DNAJC6: variants seen among roughly 807,000 people sequenced by gnomAD.
The protein encoded by DNAJC6 is DnaJ heat shock protein family (Hsp40) member C6.
A neutral mutation model predicts 110.0 loss-of-function variants in DNAJC6; 34 were observed. The observed-to-expected ratio is 0.31, with a 90% confidence interval of 0.24 to 0.41. The LOEUF (loss-of-function observed/expected upper bound fraction) is 0.41. Ranked by LOEUF, DNAJC6 falls within the 10% of genes least tolerant of loss-of-function variation. The probability of loss-of-function intolerance (pLI) is 1.00; values close to 1 mark genes in which losing one functional copy is unlikely to be tolerated. For missense variants in DNAJC6, 1,031 were observed against 1,207.8 expected (o/e 0.85, Z 2.17); for synonymous variants, 406 against 437.2 (o/e 0.93, Z 0.89).
At chr1:65,283,555 T>C (rs2101196006) in intron 1 of DNAJC6, among the ~76,000 whole-genome samples, 1 of 152,304 alleles carries the variant, frequency 6.6e-6, no homozygotes, top group East Asian at 1.9e-4. Context: ...TATTTATCCA[T>C]TGAAAGACAT....
Position 65,337,298 on chromosome 1 carries a change from C to CT in DNAJC6, c.194-27326dup, listed in dbSNP as rs35222732. Among the ~76,000 whole-genome samples the CT allele has an allele frequency of 2.3e-3, 336 of 145,478 alleles. 4 individuals are homozygous for CT. Among genetic ancestry groups the CT allele is most frequent in the African/African-American group, 7.4e-3 (293 of 39,460 alleles). ...TTAGGGGCTGCAAATGTAATTCTTA[C>CT]TTTTTTTTTTTGTTTGCTGGACTAT... On this transcript the variant is annotated intron_variant, in intron 1 of 18. Coordinates refer to ENST00000371069, the MANE Select transcript of DNAJC6 (RefSeq NM_001256864.2).
chr1:65,351,663 T>C (rs1363004752), intron 1 of DNAJC6, among the ~76,000 whole-genome samples: 1 of 152,242 alleles, frequency 6.6e-6, no homozygotes, highest in African/African-American at 2.4e-5. Flanking sequence ...CCATCTTGTG[T>C]ATAGACAATG....
In DNAJC6 at chr1:65,414,327, C is replaced by T. The variant is rs1443752124; in HGVS notation, c.*1302C>T. The T allele has an allele frequency of 1.3e-5, 2 of 152,586 alleles. No homozygotes were observed. Among genetic ancestry groups the T allele is most frequent in the Non-Finnish European group, 1.5e-5 (1 of 68,044 alleles). The allele number at this position is 152,586 out of a possible 1,614,324, so 9.5% of individuals were successfully genotyped here. A position where few individuals can be genotyped will look rare whatever the true frequency, so the allele number is the denominator to read the frequency against. ...TTTAAGGGGTAAGCAGTTTGCTATTCTGTGACTTTAGTAGATCTCTTTTGT... is the reference window on the plus strand; with the variant it reads ...TTTAAGGGGTAAGCAGTTTGCTATTTTGTGACTTTAGTAGATCTCTTTTGT... On this transcript the variant is annotated 3_prime_UTR_variant, in exon 19 of 19. Coordinates refer to ENST00000371069, the MANE Select transcript of DNAJC6 (RefSeq NM_001256864.2).
chr1:65,409,538 G>A (rs1048573487), intron 17 of DNAJC6, among the ~76,000 whole-genome samples: 4 of 152,170 alleles, frequency 2.6e-5, no homozygotes, highest in Admixed American at 2.6e-4. Context: ...TAAGAAGAAT[G>A]CATTATTTAT....
chr1:65,333,732 A>G (rs1383440831), intron 1 of DNAJC6, among the ~76,000 whole-genome samples: 2 of 152,134 alleles, frequency 1.3e-5, no homozygotes, highest in Non-Finnish European at 2.9e-5. Flanking sequence ...ATTTTGTTTC[A>G]TCCTAACCCT....
intron 1 of DNAJC6, among the ~76,000 whole-genome samples, chr1:65,302,128 A>T (rs867481570): frequency 3.3e-4 from 5 of 15,164 alleles, no homozygotes; most frequent in African/African-American, 6.4e-3. Context: ...ATATATAAAA[A>T]ATATATATAA....
At chr1:65,274,396 A>G (rs1290128228) in intron 1 of DNAJC6, among the ~76,000 whole-genome samples, 1 of 152,068 alleles carries the variant, frequency 6.6e-6, no homozygotes, top group Non-Finnish European at 1.5e-5. Context: ...GGCTCACTGC[A>G]TCCTCCGCCT....
chr1:65,295,524 G>GA (rs1381681946), intron 1 of DNAJC6, among the ~76,000 whole-genome samples: 1 of 152,036 alleles, frequency 6.6e-6, no homozygotes, highest in Non-Finnish European at 1.5e-5. Context: ...GAATTTCCCA[G>GA]AAAAAGGGAC....
chr1:65,408,589 G>A (rs1646098720), intron 16 of DNAJC6, 52 bp from the exon 17 acceptor site: 2 of 1,577,386 alleles, frequency 1.3e-6, no homozygotes, highest in Non-Finnish European at 1.7e-6. Flanking sequence ...TAATGATACA[G>A]CATTATGTTT....
intron 1 of DNAJC6, chr1:65,279,698 C>T (rs2101181851): frequency 6.6e-6 from 1 of 152,242 alleles, no homozygotes; most frequent in Non-Finnish European, 1.5e-5. Context: ...GCCTGAAATA[C>T]ATTTTCTCTC....
intron 1 of DNAJC6, among the ~76,000 whole-genome samples, chr1:65,343,762 AT>A (rs913975757): frequency 6.6e-5 from 10 of 152,266 alleles, no homozygotes; most frequent in Non-Finnish European, 8.8e-5. Flanking sequence ...GGAAAAAAAA[AT>A]ATTCCGAGGT....
upstream of DNAJC6, among the ~76,000 whole-genome samples, chr1:65,307,419 T>G (rs957348719): frequency 6.6e-6 from 1 of 152,194 alleles, no homozygotes; most frequent in Non-Finnish European, 1.5e-5. Context: ...CAAAGGCATA[T>G]GTCTCATCTA....
chr1:65,309,494 C>A, upstream of DNAJC6: 2 of 1,159,156 alleles, frequency 1.7e-6, no homozygotes, highest in East Asian at 5.1e-5. Context: ...AGGACGCGCG[C>A]CCCCGCCCGG....
intron 1 of DNAJC6, among the ~76,000 whole-genome samples, chr1:65,318,917 G>C (rs1645172048): frequency 6.6e-6 from 1 of 152,190 alleles, no homozygotes; most frequent in Non-Finnish European, 1.5e-5. Context: ...AAGCATGTTT[G>C]ATTTAGGAGG....
At chr1:65,296,898 T>A (rs1263642567) in intron 1 of DNAJC6, among the ~76,000 whole-genome samples, 1 of 152,080 alleles carries the variant, frequency 6.6e-6, no homozygotes, top group Non-Finnish European at 1.5e-5. Flanking sequence ...ATTCAGCACA[T>A]CTTTATCAGG....
At position 65,388,118 on chromosome 1, in the gene DNAJC6, C is replaced by T. The variant is rs548617417; in HGVS notation, c.1114-218C>T. On this transcript the variant is annotated intron_variant, in intron 8 of 18. Transcript: ENST00000371069. ...CTGTGTGCAAGAACATAGTATTTAG[C>T]GGATGAGAAAATGGTTTGCCAAGGC... Among the ~76,000 whole-genome samples the T allele has an allele frequency of 7.2e-5, 11 of 152,126 alleles. No individual in the cohort carries two copies. The South Asian group carries it at 1.5e-3, about 20-fold the overall frequency.
At position 65,394,911 on chromosome 1, in the gene DNAJC6, C is replaced by T. The variant is rs1340586566; in HGVS notation, c.1917C>T (p.Asp639=). The T allele has an allele frequency of 1.3e-6, 2 of 1,599,686 alleles. No homozygotes were observed. The highest frequency in any genetic ancestry group is 1.1e-5 in the South Asian group (1 of 87,656). The change falls in exon 13 of 19, where the codon GAC becomes GAT. Residue 639 remains aspartate (D), a synonymous_variant. Transcript: ENST00000371069. ...TLRVGEGATF[D]PFGAPSKPSG... is the part of the protein sequence containing the mutation. ...ATTGTTTTCTAGGTGCCACCTTTGA[C>T]CCATTTGGAGCACCTTCTAAACCAT...
At position 65,389,413 on chromosome 1, in the gene DNAJC6, T is replaced by G; in HGVS notation, c.1351T>G (p.Ser451Ala). Reference protein sequence around the residue: ...KDVNPSILFSSHQEHQDTLAL... With the variant: ...KDVNPSILFSAHQEHQDTLAL... ...TGTCAATCCCAGCATCCTCTTCTCT[T>G]CTCACCAGGAACATCAAGATACGCT... Residue 451 changes from serine (S) to alanine (A), a missense_variant, in exon 10 of 19, where the codon TCT becomes GCT. Coordinates refer to ENST00000371069, the MANE Select transcript of DNAJC6 (RefSeq NM_001256864.2). 1 of 1,614,120 alleles carries G rather than the reference T, an allele frequency of 6.2e-7. No individual in the cohort carries two copies. The highest frequency in any genetic ancestry group is 8.5e-7 in the Non-Finnish European group (1 of 1,180,012).
chr1:65,352,259 C>T (rs1645498116), intron 1 of DNAJC6, among the ~76,000 whole-genome samples: 3 of 152,048 alleles, frequency 2.0e-5, no homozygotes, highest in African/African-American at 7.2e-5. Context: ...GTTCTTTCCT[C>T]TCATTGTCCA....
Sources: allele counts gnomAD v4.1 joint callset (sites outside exome capture counted in the v4.1 genomes callset), GRCh38; gene constraint gnomAD v4.1.1; transcripts MANE v1.5; gene names NCBI Gene and HGNC (gene_info 2026-07-23, HGNC 2026-07-21).